ABCB5: variants seen among roughly 807,000 people sequenced by gnomAD.
ABCB5 encodes the protein ATP binding cassette subfamily B member 5.
A neutral mutation model predicts 144.2 loss-of-function variants in ABCB5; 155 were observed. The ratio of observed to expected loss-of-function variants is 1.08; its 90% CI spans 0.94 to 1.23. The LOEUF is 1.23. Ranked by LOEUF, ABCB5 falls within the 50% of genes most tolerant of loss-of-function variation. The pLI is 0.00. For missense variants in ABCB5, 1,830 were observed against 1,520.8 expected, an observed-to-expected ratio of 1.20 and a Z score of -3.38; for synonymous variants, 610 against 528.6, an observed-to-expected ratio of 1.15 and a Z score of -2.11.
At chr7:20,696,941 C>T (rs1786437815) in intron 16 of ABCB5, among the ~76,000 whole-genome samples, 1 of 151,852 alleles carries the variant, frequency 6.6e-6, no homozygotes. Flanking sequence ...GGAAGATAGC[C>T]CTCCTAATTT....
intron 14 of ABCB5, among the ~76,000 whole-genome samples, chr7:20,665,758 GATAGATAGAGATACATAC>G (rs1785161247): frequency 7.2e-6 from 1 of 138,068 alleles, no homozygotes. Flanking sequence ...TAGATAGATA[GATAGATAGAGATACATAC>G]ATACATACAT....
At position 20,622,622 on chromosome 7, in the gene ABCB5, T is replaced by C. The variant is rs998555126; in HGVS notation, c.-21-643T>C. On this transcript the variant is annotated intron_variant, in intron 1 of 27. Coordinates refer to ENST00000404938, the MANE Select transcript of ABCB5 (RefSeq NM_001163941.2). Reference sequence around the variant, plus strand: ...TGAGACTGAGTCACAACCATCTCTATAGATCCATAATAAAATGATAATTTA... The same window carrying C: ...TGAGACTGAGTCACAACCATCTCTACAGATCCATAATAAAATGATAATTTA... Among the ~76,000 whole-genome samples, 4 of 152,108 alleles carry C rather than the reference T, an allele frequency of 2.6e-5. No homozygotes were observed. The East Asian group carries it at 5.8e-4, about 22-fold the overall frequency.
chr7:20,685,775 CTG>C lies in ABCB5; in HGVS notation c.1952_1953del (p.Val651GlufsTer9). ...AAGACCAACTCACTTCCTCTGCACT[CTG>C]TGAAGAGCATCAAGTCAGACTTCAT... On this transcript the variant is annotated frameshift_variant, in exon 16 of 28. Coordinates refer to ENST00000404938, the MANE Select transcript of ABCB5 (RefSeq NM_001163941.2). LOFTEE classifies it high-confidence loss of function. 2 of 1,613,192 alleles carry C rather than the reference CTG, an allele frequency of 1.2e-6. No individual in the cohort carries two copies. Among genetic ancestry groups the C allele is most frequent in the South Asian group, 2.2e-5 (2 of 91,008 alleles).
At chr7:20,623,231 T>G (rs1403314879) in intron 1 of ABCB5, 34 bp from the exon 2 acceptor site, 2 of 1,217,498 alleles carry the variant, frequency 1.6e-6, no homozygotes, top group African/African-American at 1.5e-5. Flanking sequence ...AAAAGTCACA[T>G]AGCCATAATA....
chr7:20,726,898 G>A (rs534910533), intron 21 of ABCB5, 142 bp from the exon 22 acceptor site: 26 of 471,740 alleles, frequency 5.5e-5, no homozygotes, highest in African/African-American at 5.0e-4. Context: ...TGGGAGGAAA[G>A]GAAGCTAAGA....
intron 11 of ABCB5, among the ~76,000 whole-genome samples, chr7:20,648,630 T>C (rs1006804314): frequency 1.1e-4 from 16 of 152,188 alleles, no homozygotes; most frequent in Non-Finnish European, 2.4e-4. Context: ...TTCATTAGTG[T>C]ATTTACCAAA....
At chr7:20,702,279 T>C (rs541664153) in intron 19 of ABCB5, among the ~76,000 whole-genome samples, 2 of 152,306 alleles carry the variant, frequency 1.3e-5, no homozygotes, top group African/African-American at 4.8e-5. Context: ...ATGTAAGAAG[T>C]TTATTTTTCC....
intron 14 of ABCB5, among the ~76,000 whole-genome samples, chr7:20,677,394 A>C (rs779171879): frequency 1.2e-4 from 18 of 152,322 alleles, no homozygotes; most frequent in Non-Finnish European, 2.4e-4. Context: ...TATCAGACTA[A>C]AAATCAGTTA....
chr7:20,641,915 T>C (rs1784304320), intron 5 of ABCB5: 1 of 152,350 alleles, frequency 6.6e-6, no homozygotes, highest in Non-Finnish European at 1.5e-5. Context: ...GTTGTTCTTG[T>C]TCAGGGCGTC....
At chr7:20,745,800 G>C (rs750114257) in intron 26 of ABCB5, among the ~76,000 whole-genome samples, 3 of 152,146 alleles carry the variant, frequency 2.0e-5, no homozygotes, top group Non-Finnish European at 2.9e-5. Flanking sequence ...ACAGTAATCA[G>C]AGGGATCTTT....
chr7:20,719,350 A>G (rs1764792735), intron 20 of ABCB5, among the ~76,000 whole-genome samples: 1 of 152,202 alleles, frequency 6.6e-6, no homozygotes, highest in Non-Finnish European at 1.5e-5. Flanking sequence ...AGTTATAAAG[A>G]TAATTCTACA....
chr7:20,617,121 G>A (rs1466476493), intron 1 of ABCB5, among the ~76,000 whole-genome samples: 2 of 152,038 alleles, frequency 1.3e-5, no homozygotes, highest in African/African-American at 4.8e-5. Context: ...ATTTATGTAT[G>A]CCTTTTTTTA....
intron 14 of ABCB5, among the ~76,000 whole-genome samples, chr7:20,670,192 A>G (rs1785417594): frequency 6.6e-6 from 1 of 152,214 alleles, no homozygotes; most frequent in Non-Finnish European, 1.5e-5. Flanking sequence ...TAGAACAGAA[A>G]AAGAACGTGA....
chr7:20,651,663 G>A lies in ABCB5; in HGVS notation c.1536+40G>A, dbSNP rs2128026389. 2.5e-6 allele frequency: 4 copies of A among 1,588,598 alleles called. No homozygotes were observed. The East Asian group carries it at 6.7e-5, about 27-fold the overall frequency. On this transcript the variant is annotated intron_variant, in intron 13 of 27. Coordinates refer to ENST00000404938, the MANE Select transcript of ABCB5 (RefSeq NM_001163941.2). Reference sequence around the variant, plus strand: ...CAGCCTGTGTCCTTAGCTTATGGTGGCAGCGCTGCGACATTCCAATATAAG... The same window carrying A: ...CAGCCTGTGTCCTTAGCTTATGGTGACAGCGCTGCGACATTCCAATATAAG...
At chr7:20,618,042 C>T (rs959893281) in intron 1 of ABCB5, among the ~76,000 whole-genome samples, 2 of 151,922 alleles carry the variant, frequency 1.3e-5, no homozygotes, top group Non-Finnish European at 2.9e-5. Flanking sequence ...TTGCTAACAG[C>T]TTTATTGAGA....
chr7:20,704,044 A>G (rs1212676059), intron 19 of ABCB5, among the ~76,000 whole-genome samples: 1 of 125,186 alleles, frequency 8.0e-6, no homozygotes, highest in Admixed American at 8.1e-5. Context: ...AGTTTTGAAG[A>G]TATTTCTAAA....
intron 26 of ABCB5, among the ~76,000 whole-genome samples, chr7:20,752,389 G>A (rs1256958825): frequency 6.6e-6 from 1 of 152,198 alleles, no homozygotes; most frequent in Non-Finnish European, 1.5e-5. Flanking sequence ...TGATTCAGAG[G>A]ACCATGATGG....
intron 7 of ABCB5, 112 bp from the exon 8 acceptor site, chr7:20,645,644 T>A (rs1473373072): frequency 5.3e-6 from 7 of 1,322,758 alleles, no homozygotes; most frequent in Admixed American, 4.8e-5. Flanking sequence ...AGAGATAAAG[T>A]CTAAAAAAAT....
chr7:20,733,340 G>T (rs533963154), intron 23 of ABCB5, among the ~76,000 whole-genome samples: 14 of 152,088 alleles, frequency 9.2e-5, no homozygotes, highest in Non-Finnish European at 1.8e-4. Context: ...CAGGTGACCT[G>T]CTTAGTGCTA....
Sources: allele counts gnomAD v4.1 joint callset (sites outside exome capture counted in the v4.1 genomes callset), GRCh38; gene constraint gnomAD v4.1.1; transcripts MANE v1.5; gene names NCBI Gene and HGNC (gene_info 2026-07-23, HGNC 2026-07-21).